FAR2: variants seen among roughly 807,000 people sequenced by gnomAD.
FAR2 encodes the protein epididymis secretory protein Li 81.
Under a neutral mutation model 56.0 loss-of-function variants are expected in FAR2, and 19 were observed. The observed-to-expected ratio is 0.34, with a 90% CI of 0.24 to 0.50. The LOEUF is 0.50. Among genes scored for constraint, FAR2 ranks in the 20% least tolerant of loss-of-function variants. FAR2 has a pLI of 0.98. For synonymous variants in FAR2, 219 were observed against 218.8 expected, an observed-to-expected ratio of 1.00 and a Z score of -0.01; for missense variants, 508 against 642.2, an observed-to-expected ratio of 0.79 and a Z score of 2.26.
chr12:29,269,210 G>C (rs535088353), intron 1 of FAR2, among the ~76,000 whole-genome samples: 20 of 152,208 alleles, frequency 1.3e-4, no homozygotes, highest in Non-Finnish European at 2.5e-4. Context: ...GCACCTTGGG[G>C]GGGCCGTTCA....
At chr12:29,304,177 C>T (rs1192113466) in intron 4 of FAR2, among the ~76,000 whole-genome samples, 2 of 152,202 alleles carry the variant, frequency 1.3e-5, no homozygotes, top group African/African-American at 4.8e-5. Flanking sequence ...CCACATTCTC[C>T]CTACAACCTC....
At chr12:29,325,910 C>T (rs560890568) in intron 10 of FAR2, among the ~76,000 whole-genome samples, 1 of 152,108 alleles carries the variant, frequency 6.6e-6, no homozygotes, top group African/African-American at 2.4e-5. Flanking sequence ...CAGAGCAGAA[C>T]TGAAGGAAAT....
rs1172691114 is a variant in FAR2, at chr12:29,152,668, C to T, written c.-39+3261C>T. On this transcript the variant is annotated intron_variant, in intron 1 of 11. Transcript: ENST00000536681. ...TACTTTAGGATACAAAGTAACAGTT[C>T]CTGTATTCAGTAAACTTATGACATC... Among the ~76,000 whole-genome samples, 4 of 152,154 alleles carry T rather than the reference C, an allele frequency of 2.6e-5. No homozygotes were observed. The East Asian group carries it at 7.7e-4, about 29-fold the overall frequency.
chr12:29,216,970 G>T (rs530943964), intron 1 of FAR2, among the ~76,000 whole-genome samples: 1 of 152,152 alleles, frequency 6.6e-6, no homozygotes, highest in Admixed American at 6.6e-5. Context: ...AGAGCTATCC[G>T]TCATAAGGTA....
intron 1 of FAR2, among the ~76,000 whole-genome samples, chr12:29,239,381 G>A (rs574158498): frequency 6.6e-6 from 1 of 151,824 alleles, no homozygotes; most frequent in East Asian, 1.9e-4. Flanking sequence ...TCAAAGTCCT[G>A]TTTTTTTGTA....
intron 4 of FAR2, chr12:29,301,665 T>G (rs1184098103): frequency 6.6e-6 from 1 of 152,184 alleles, no homozygotes; most frequent in Non-Finnish European, 1.5e-5. Flanking sequence ...ATTGAGCATA[T>G]GTAAATAAAT....
At position 29,212,177 on chromosome 12, in the gene FAR2, A is replaced by G. The variant is rs184949986; in HGVS notation, c.-38-58235A>G. Among the ~76,000 whole-genome samples the G allele has an allele frequency of 8.5e-5, 13 of 152,288 alleles. No homozygotes were observed. The East Asian group carries it at 2.3e-3, about 27-fold the overall frequency. Reference sequence around the variant, plus strand: ...ATCAAGCTACTACCAATAAAATTATATGAATCTAATCCTGAGACAACTTAA... The same window carrying G: ...ATCAAGCTACTACCAATAAAATTATGTGAATCTAATCCTGAGACAACTTAA... On this transcript the variant is annotated intron_variant, in intron 1 of 11. Coordinates refer to ENST00000536681, the MANE Select transcript of FAR2 (RefSeq NM_001271783.2).
chr12:29,161,031 TA>T (rs1166841869), intron 1 of FAR2, among the ~76,000 whole-genome samples: 2 of 152,032 alleles, frequency 1.3e-5, no homozygotes, highest in African/African-American at 2.4e-5. Flanking sequence ...TTCTGTGTAC[TA>T]AAAAAAAGTA....
intron 2 of FAR2, among the ~76,000 whole-genome samples, chr12:29,279,760 C>T (rs1230886726): frequency 6.6e-6 from 1 of 152,056 alleles, no homozygotes; most frequent in Non-Finnish European, 1.5e-5. Flanking sequence ...TCTCCTCAAT[C>T]AGAGAGATAG....
chr12:29,174,831 G>T (rs1949921484), intron 1 of FAR2, among the ~76,000 whole-genome samples: 1 of 152,156 alleles, frequency 6.6e-6, no homozygotes, highest in African/African-American at 2.4e-5. Context: ...GGATAGAAGG[G>T]CAAGTCTCAC....
chr12:29,203,528 A>G (rs551479307), intron 1 of FAR2, among the ~76,000 whole-genome samples: 2 of 152,322 alleles, frequency 1.3e-5, no homozygotes, highest in South Asian at 4.1e-4. Flanking sequence ...AGTCACAGCA[A>G]TTGTATTAGG....
intron 1 of FAR2, among the ~76,000 whole-genome samples, chr12:29,227,753 T>C (rs1591869411): frequency 6.6e-6 from 1 of 152,274 alleles, no homozygotes; most frequent in Admixed American, 6.5e-5. Context: ...AAATTTTTTC[T>C]CCTAAGATTT....
At chr12:29,287,953 GA>G (rs1457426887) in intron 2 of FAR2, among the ~76,000 whole-genome samples, 1 of 152,132 alleles carries the variant, frequency 6.6e-6, no homozygotes, top group Non-Finnish European at 1.5e-5. Context: ...TCTGACTACA[GA>G]AGTCATACCC....
At chr12:29,242,483 GAC>G (rs1029321271) in intron 1 of FAR2, among the ~76,000 whole-genome samples, 1 of 152,182 alleles carries the variant, frequency 6.6e-6, no homozygotes, top group Admixed American at 6.5e-5. Flanking sequence ...GTGGTCCTGT[GAC>G]ACAGTGACAG....
intron 1 of FAR2, among the ~76,000 whole-genome samples, chr12:29,182,864 A>G (rs1329618269): frequency 1.3e-5 from 2 of 151,628 alleles, no homozygotes; most frequent in Admixed American, 6.6e-5. Flanking sequence ...ATTCACACCT[A>G]TTCCTTCCAG....
At chr12:29,312,290 TAC>T (rs1301687465) in intron 8 of FAR2, among the ~76,000 whole-genome samples, 1 of 152,168 alleles carries the variant, frequency 6.6e-6, no homozygotes, top group Non-Finnish European at 1.5e-5. Flanking sequence ...CAATGGCTCC[TAC>T]ACACACCCCT....
chr12:29,289,652 C>A (rs1040829624), intron 2 of FAR2, among the ~76,000 whole-genome samples: 2 of 152,004 alleles, frequency 1.3e-5, no homozygotes, highest in African/African-American at 2.4e-5. Context: ...TGAGCAATAC[C>A]CCACAAGCAC....
At chr12:29,159,113 A>AT (rs1949756509) in intron 1 of FAR2, among the ~76,000 whole-genome samples, 1 of 152,130 alleles carries the variant, frequency 6.6e-6, no homozygotes. Context: ...AGTTTGTGCA[A>AT]TTTTTCAGTA....
At chr12:29,295,803 C>G (rs1203189425) in intron 3 of FAR2, among the ~76,000 whole-genome samples, 1 of 139,462 alleles carries the variant, frequency 7.2e-6, no homozygotes. Flanking sequence ...GCTCTGTCGC[C>G]CAGGCCGGAC....
Sources: gnomAD v4.1 joint callset for allele counts (sites outside exome capture counted in the v4.1 genomes callset) on GRCh38, gnomAD v4.1.1 for gene constraint, MANE v1.5 for transcripts, NCBI Gene and HGNC (gene_info 2026-07-23, HGNC 2026-07-21) for gene names.